The following TTLL1 variants were observed in gnomAD, a reference collection of about 807,000 sequenced individuals.
The protein encoded by TTLL1 is TTL family tubulin polyglutamylase complex subunit L1.
Under a neutral mutation model 47.8 loss-of-function variants are expected in TTLL1, and 33 were observed. The observed-to-expected ratio is 0.69, with a 90% CI of 0.52 to 0.92. The LOEUF is 0.92. TTLL1 is among the 40% of genes least tolerant of loss of function. The pLI, the probability that TTLL1 is intolerant of heterozygous loss-of-function variation, is 0.00. For synonymous variants in TTLL1, 225 were observed against 214.1 expected, an observed-to-expected ratio of 1.05 and a Z score of -0.45; for missense variants, 488 against 547.5, an observed-to-expected ratio of 0.89 and a Z score of 1.08.
At chr22:43,062,493 A>C (rs1927450395) in intron 7 of TTLL1, among the ~76,000 whole-genome samples, 1 of 146,926 alleles carries the variant, frequency 6.8e-6, no homozygotes, top group Non-Finnish European at 1.5e-5. Flanking sequence ...CTGTCTCTTA[A>C]AAAAAAAAAA....
At chr22:43,040,371 T>G (rs1925570541) in intron 10 of TTLL1, 3 of 157,772 alleles carry the variant, frequency 1.9e-5, no homozygotes. Context: ...CACTGGTCAG[T>G]GGAGGCCAGG....
At chr22:43,064,119 T>C (rs1927571452) in intron 6 of TTLL1, 71 bp downstream of exon 6, 6 of 1,576,312 alleles carry the variant, frequency 3.8e-6, no homozygotes, top group East Asian at 4.5e-5. Flanking sequence ...AACCTCACAA[T>C]GGTGCTAAGA....
intron 8 of TTLL1, among the ~76,000 whole-genome samples, chr22:43,058,102 C>A (rs1026702627): frequency 1.3e-5 from 2 of 151,990 alleles, no homozygotes; most frequent in Non-Finnish European, 2.9e-5. Flanking sequence ...CACTACCACG[C>A]CCGGCAAATT....
intron 8 of TTLL1, 138 bp downstream of exon 8, chr22:43,059,246 G>A (rs1012634054): frequency 1.9e-5 from 24 of 1,248,200 alleles, no homozygotes; most frequent in African/African-American, 4.6e-5. Flanking sequence ...CGCCCGCCTC[G>A]GCCTCCCAGC....
chr22:43,068,314 CA>C (rs371186249), intron 5 of TTLL1, 95 bp downstream of exon 5: 323 of 1,116,154 alleles, frequency 2.9e-4, no homozygotes, highest in South Asian at 4.3e-4. Context: ...GAGACTCTGT[CA>C]AAAAAAAACC....
intron 1 of TTLL1, among the ~76,000 whole-genome samples, chr22:43,081,207 C>T (rs1030227520): frequency 7.2e-5 from 11 of 152,060 alleles, no homozygotes; most frequent in African/African-American, 1.7e-4. Flanking sequence ...TGAGCCACCG[C>T]GCCCGGCTGC....
chr22:43,041,746 G>A (rs1243382499), intron 10 of TTLL1, among the ~76,000 whole-genome samples: 2 of 152,016 alleles, frequency 1.3e-5, no homozygotes, highest in African/African-American at 4.8e-5. Flanking sequence ...GAACCCCTGA[G>A]CTCAAGCAAT....
intron 7 of TTLL1, among the ~76,000 whole-genome samples, chr22:43,063,563 C>A (rs1378753967): frequency 2.7e-5 from 4 of 150,754 alleles, no homozygotes; most frequent in African/African-American, 9.8e-5. Flanking sequence ...CCTTCTGGTT[C>A]AAGCGATTCT....
chr22:43,049,363 A>C (rs1377254760), intron 9 of TTLL1, among the ~76,000 whole-genome samples: 1 of 151,980 alleles, frequency 6.6e-6, no homozygotes, highest in Non-Finnish European at 1.5e-5. Context: ...ATCTCTACTA[A>C]AAATACAAAA....
Position 43,075,531 on chromosome 22 carries a change from T to C in TTLL1, c.56A>G (p.Asn19Ser), listed in dbSNP as rs752552171. 1 of 1,614,182 alleles carries C rather than the reference T, an allele frequency of 6.2e-7. No individual in the cohort carries two copies. The highest frequency in any genetic ancestry group is 1.3e-5 in the African/African-American group (1 of 75,048). ...TDIEKSVLINNFEKRGWVQVT... is the reference protein window; with the variant it reads ...TDIEKSVLINSFEKRGWVQVT... ...TTGGACCCATCCTCTCTTTTCAAAGTTATTGATCAGCACTGACTTCTCGAT... is the reference window on the plus strand; with the variant it reads ...TTGGACCCATCCTCTCTTTTCAAAGCTATTGATCAGCACTGACTTCTCGAT... The change falls in exon 3 of 11, where the codon AAC (asparagine) becomes AGC (serine). Residue 19 changes from asparagine (N) to serine (S), a missense_variant. Transcript: ENST00000266254.
chr22:43,076,113 G>C (rs1339950131), intron 2 of TTLL1, among the ~76,000 whole-genome samples: 1 of 152,216 alleles, frequency 6.6e-6, no homozygotes, highest in Non-Finnish European at 1.5e-5. Flanking sequence ...TCCAGGCACT[G>C]CCTGTCTCCC....
chr22:43,059,206 C>T (rs1442661815), intron 8 of TTLL1, among the ~76,000 whole-genome samples, 178 bp downstream of exon 8: 1 of 152,100 alleles, frequency 6.6e-6, no homozygotes, highest in East Asian at 1.9e-4. Context: ...GTGGGCCAGG[C>T]TAGTCTCAAA....
intron 8 of TTLL1, among the ~76,000 whole-genome samples, chr22:43,058,544 G>A (rs938217143): frequency 3.9e-5 from 6 of 152,226 alleles, no homozygotes; most frequent in African/African-American, 1.4e-4. Context: ...GAGGAGTGGA[G>A]GGGCCAGGGC....
chr22:43,070,714 C>T (rs771169028), intron 3 of TTLL1, among the ~76,000 whole-genome samples: 6 of 152,142 alleles, frequency 3.9e-5, no homozygotes, highest in African/African-American at 7.2e-5. Context: ...CACCAGTTAA[C>T]GGCACGTGGC....
intron 1 of TTLL1, among the ~76,000 whole-genome samples, chr22:43,081,532 A>AT (rs1048389025): frequency 2.2e-3 from 337 of 150,446 alleles, no homozygotes; most frequent in African/African-American, 7.5e-3. Context: ...CACCCCTTCC[A>AT]TTTTTTTTTA....
chr22:43,043,170 A>T (rs1036697120), intron 10 of TTLL1, among the ~76,000 whole-genome samples: 1 of 151,578 alleles, frequency 6.6e-6, no homozygotes, highest in African/African-American at 2.4e-5. Context: ...TGAACTCATG[A>T]CCTCAGGTGA....
At chr22:43,078,818 C>T (rs535821493) in intron 2 of TTLL1, among the ~76,000 whole-genome samples, 4 of 152,094 alleles carry the variant, frequency 2.6e-5, no homozygotes, top group Admixed American at 6.5e-5. Flanking sequence ...GCACAGGAGC[C>T]GCACCCCAGA....
At chr22:43,069,972 T>G in intron 3 of TTLL1, 128 bp from the exon 4 acceptor site, 4 of 1,409,416 alleles carry the variant, frequency 2.8e-6, no homozygotes, top group Non-Finnish European at 3.8e-6. Flanking sequence ...CCCTGGCACC[T>G]GAGCCAGGGG....
chr22:43,064,618 C>T lies in TTLL1; in HGVS notation c.504-294G>A, dbSNP rs144801332. 9.4e-3 allele frequency among the ~76,000 whole-genome samples: 1,431 copies of T among 152,144 alleles called. 26 individuals carry two copies. The highest frequency in any genetic ancestry group is 0.032 in the African/African-American group (1,339 of 41,494). On this transcript the variant is annotated intron_variant, in intron 5 of 10. Transcript: ENST00000266254. ...GTGTGTGCCTGTAGTCCCAGATACTCAGGAGGCTGTGGCAGGAGAATCACT... is the reference window on the plus strand; with the variant it reads ...GTGTGTGCCTGTAGTCCCAGATACTTAGGAGGCTGTGGCAGGAGAATCACT...
Sources: gnomAD v4.1 joint callset for allele counts (sites outside exome capture counted in the v4.1 genomes callset) on GRCh38, gnomAD v4.1.1 for gene constraint, MANE v1.5 for transcripts, NCBI Gene and HGNC (gene_info 2026-07-23, HGNC 2026-07-21) for gene names.